KCNMA1: variants seen among roughly 807,000 people sequenced by gnomAD.
KCNMA1 encodes potassium calcium-activated channel subfamily M alpha 1.
In KCNMA1, 29 loss-of-function variants were observed where a neutral mutation model predicts 140.0. The observed-to-expected ratio is 0.21, with a 90% CI of 0.15 to 0.28. The LOEUF is 0.28. Ranked by LOEUF, KCNMA1 falls within the 10% of genes least tolerant of loss-of-function variation. The pLI is 1.00. For missense variants in KCNMA1, 880 were observed against 1,602.2 expected (o/e 0.55, Z 7.70); for synonymous variants, 612 against 611.9 (o/e 1.00, Z 0.00).
At chr10:77,557,643 T>G in intron 1 of KCNMA1, among the ~76,000 whole-genome samples, 1 of 116,746 alleles carries the variant, frequency 8.6e-6, no homozygotes. Context: ...GCCCAGGAAG[T>G]GATTTTTTTT....
At position 77,082,179 on chromosome 10, in the gene KCNMA1, C is replaced by A. The variant is rs192507509; in HGVS notation, c.1523+2458G>T. 6.5e-4 allele frequency among the ~76,000 whole-genome samples: 99 copies of A among 151,898 alleles called. 1 individual carries two copies. The highest frequency in any genetic ancestry group is 2.3e-3 in the African/African-American group (96 of 41,398). ...GAGTAACTGGGATTACAGGCACACACCACCACACCCAGCTAAGTTTTGTAT... is the reference window on the plus strand; with the variant it reads ...GAGTAACTGGGATTACAGGCACACAACACCACACCCAGCTAAGTTTTGTAT... On this transcript the variant is annotated intron_variant, in intron 12 of 27. Coordinates refer to ENST00000286628, the MANE Select transcript of KCNMA1 (RefSeq NM_001161352.2).
chr10:77,321,201 T>A (rs1320237059), intron 2 of KCNMA1, among the ~76,000 whole-genome samples: 1 of 152,252 alleles, frequency 6.6e-6, no homozygotes, highest in East Asian at 1.9e-4. Flanking sequence ...CAGATCATAA[T>A]GGACAGAAGG....
In KCNMA1 at chr10:76,888,523, G is replaced by A. The variant is rs1187751752; in HGVS notation, c.3461+928C>T. On this transcript the variant is annotated intron_variant, in intron 27 of 27. Transcript: ENST00000286628. ...GAGAAACGCTTGTCTCTGCAGCACT[G>A]TTGCCTAGGGTATATTATGCAAACT... Among the ~76,000 whole-genome samples the A allele has an allele frequency of 3.3e-5, 5 of 152,250 alleles. 1 individual carries two copies. The highest frequency in any genetic ancestry group is 6.8e-3 in the Middle Eastern group (2 of 294).
chr10:76,893,303 C>A (rs1230382038), intron 25 of KCNMA1, among the ~76,000 whole-genome samples: 3 of 152,140 alleles, frequency 2.0e-5, no homozygotes, highest in African/African-American at 7.2e-5. Flanking sequence ...GACATGAGGC[C>A]TTTGCCAAGT....
chr10:77,626,834 C>T lies in KCNMA1; in HGVS notation c.378+10431G>A, dbSNP rs541012050. Among the ~76,000 whole-genome samples, 6 of 152,266 alleles carry T rather than the reference C, an allele frequency of 3.9e-5. No individual in the cohort carries two copies. In the East Asian group the frequency reaches 9.6e-4, roughly 24 times the overall value. On this transcript the variant is annotated intron_variant, in intron 1 of 27. Coordinates refer to ENST00000286628, the MANE Select transcript of KCNMA1 (RefSeq NM_001161352.2). ...TACCCACTGGTAGAATGCTTTACTCCTTGGAGGTGAAGTCATTTGACATGA... is the reference window on the plus strand; with the variant it reads ...TACCCACTGGTAGAATGCTTTACTCTTTGGAGGTGAAGTCATTTGACATGA...
intron 12 of KCNMA1, among the ~76,000 whole-genome samples, chr10:77,080,709 C>T (rs1052080901): frequency 1.3e-5 from 2 of 152,076 alleles, no homozygotes; most frequent in African/African-American, 4.8e-5. Flanking sequence ...ACGTAGACAT[C>T]GAAAGCGAGC....
intron 14 of KCNMA1, among the ~76,000 whole-genome samples, chr10:77,062,529 A>G (rs754670118): frequency 1.3e-5 from 2 of 152,098 alleles, no homozygotes; most frequent in Non-Finnish European, 2.9e-5. Context: ...ATGTCCCTCA[A>G]CAAACCAGTC....
chr10:77,135,412 T>C (rs1278450752), intron 5 of KCNMA1, among the ~76,000 whole-genome samples: 1 of 152,188 alleles, frequency 6.6e-6, no homozygotes, highest in Non-Finnish European at 1.5e-5. Flanking sequence ...TTAGTACTAT[T>C]TTCCATTATG....
At chr10:77,609,212 T>C (rs571549219) in intron 1 of KCNMA1, among the ~76,000 whole-genome samples, 1 of 152,272 alleles carries the variant, frequency 6.6e-6, no homozygotes, top group East Asian at 1.9e-4. Flanking sequence ...CACCAACGGA[T>C]GATGGATAAA....
chr10:77,500,178 C>T (rs567086611), intron 1 of KCNMA1, among the ~76,000 whole-genome samples: 2 of 150,892 alleles, frequency 1.3e-5, no homozygotes, highest in South Asian at 4.2e-4. Context: ...TTTTAAAAAA[C>T]AGAAAGGCCA....
At chr10:77,257,211 TATA>T (rs1242961859) in intron 2 of KCNMA1, among the ~76,000 whole-genome samples, 2 of 152,218 alleles carry the variant, frequency 1.3e-5, no homozygotes, top group Non-Finnish European at 2.9e-5. Flanking sequence ...ACATCTAAAT[TATA>T]ATGTTTTTGT....
At chr10:76,988,662 C>T (rs547585819) in intron 19 of KCNMA1, among the ~76,000 whole-genome samples, 1 of 152,266 alleles carries the variant, frequency 6.6e-6, no homozygotes, top group South Asian at 2.1e-4. Context: ...TTCCAACTTT[C>T]CCTCCCTCTC....
intron 23 of KCNMA1, among the ~76,000 whole-genome samples, chr10:76,915,845 C>T (rs887257158): frequency 1.3e-5 from 2 of 152,130 alleles, no homozygotes; most frequent in Non-Finnish European, 2.9e-5. Context: ...TTACTGAGCA[C>T]GGTTTTATGT....
At chr10:76,957,754 G>T (rs1565186260) in intron 20 of KCNMA1, among the ~76,000 whole-genome samples, 1 of 152,182 alleles carries the variant, frequency 6.6e-6, no homozygotes, top group Non-Finnish European at 1.5e-5. Flanking sequence ...GGTTGCTAGA[G>T]TGAAGATGAG....
chr10:77,533,006 T>G (rs1316870767), intron 1 of KCNMA1, among the ~76,000 whole-genome samples: 2 of 152,226 alleles, frequency 1.3e-5, no homozygotes, highest in African/African-American at 4.8e-5. Context: ...ATTCTATAAC[T>G]TTTATTGAAG....
At chr10:77,014,427 T>G (rs745509956) in intron 17 of KCNMA1, among the ~76,000 whole-genome samples, 1 of 144,064 alleles carries the variant, frequency 6.9e-6, no homozygotes, top group African/African-American at 2.6e-5. Context: ...GAGCAAGACA[T>G]TGTCTCAAAA....
At chr10:77,210,191 T>G (rs529686264) in intron 3 of KCNMA1, among the ~76,000 whole-genome samples, 1 of 152,318 alleles carries the variant, frequency 6.6e-6, no homozygotes, top group South Asian at 2.1e-4. Flanking sequence ...TCAAATCCAG[T>G]GGCACATCAA....
downstream of KCNMA1, among the ~76,000 whole-genome samples, chr10:76,883,640 G>A (rs2035527191): frequency 6.6e-6 from 1 of 151,850 alleles, no homozygotes; most frequent in South Asian, 2.1e-4. Flanking sequence ...TTCTAGAATG[G>A]TGCAGATAAC....
intron 1 of KCNMA1, among the ~76,000 whole-genome samples, chr10:77,582,992 G>C (rs745834562): frequency 6.6e-6 from 1 of 152,230 alleles, no homozygotes; most frequent in Non-Finnish European, 1.5e-5. Flanking sequence ...GAGATTACGA[G>C]AGCATCTCCC....
Sources: gnomAD v4.1 joint callset for allele counts (sites outside exome capture counted in the v4.1 genomes callset) on GRCh38, gnomAD v4.1.1 for gene constraint, MANE v1.5 for transcripts, NCBI Gene and HGNC (gene_info 2026-07-23, HGNC 2026-07-21) for gene names.